The following RUNX1T1 variants were observed in gnomAD, a reference collection of about 807,000 sequenced individuals.
The protein encoded by RUNX1T1 is RUNX1 partner transcriptional co-repressor 1.
A neutral mutation model predicts 62.8 loss-of-function variants in RUNX1T1; 4 were observed. The observed-to-expected ratio is 0.06, with a 90% confidence interval of 0.03 to 0.15. The LOEUF is 0.15. Among genes scored for constraint, RUNX1T1 ranks in the 10% least tolerant of loss-of-function variants. The pLI is 1.00. For synonymous variants in RUNX1T1, 291 were observed against 286.0 expected (o/e 1.02, Z -0.18); for missense variants, 508 against 754.3 (o/e 0.67, Z 3.82).
chr8:92,056,790 A>G (rs1831115676), intron 1 of RUNX1T1, among the ~76,000 whole-genome samples: 1 of 152,178 alleles, frequency 6.6e-6, no homozygotes, highest in African/African-American at 2.4e-5. Context: ...ACAATTTTTA[A>G]CAATTTTGTC....
At chr8:91,988,279 T>C (rs73697002) in intron 6 of RUNX1T1, among the ~76,000 whole-genome samples, 3,923 of 152,194 alleles carry the variant, frequency 0.026, 163 homozygotes, top group African/African-American at 0.089. Flanking sequence ...AAATATAAGA[T>C]GCTTTGTACC....
At chr8:92,039,542 G>A (rs1828049153) in intron 1 of RUNX1T1, among the ~76,000 whole-genome samples, 2 of 152,088 alleles carry the variant, frequency 1.3e-5, no homozygotes, top group South Asian at 4.1e-4. Flanking sequence ...CAACTCAAAA[G>A]GTTTTAGCTA....
At chr8:92,041,009 T>C (rs770108845) in intron 1 of RUNX1T1, among the ~76,000 whole-genome samples, 2 of 152,188 alleles carry the variant, frequency 1.3e-5, no homozygotes, top group African/African-American at 2.4e-5. Flanking sequence ...GCACCCAGGC[T>C]ATTTCTAATT....
intron 9 of RUNX1T1, among the ~76,000 whole-genome samples, chr8:91,974,453 T>C (rs1370102401): frequency 2.0e-5 from 3 of 152,124 alleles, no homozygotes. Context: ...TTAACTTAAA[T>C]ATACTTAAAA....
chr8:91,986,712 C>T (rs1325144169), intron 7 of RUNX1T1, among the ~76,000 whole-genome samples, 175 bp downstream of exon 8: 1 of 152,112 alleles, frequency 6.6e-6, no homozygotes, highest in Non-Finnish European at 1.5e-5. Flanking sequence ...ACTTTCATAT[C>T]AATTTAGAAA....
At chr8:92,103,026 C>G (rs1324444770), upstream of RUNX1T1, 3 of 769,120 alleles carry the variant, frequency 3.9e-6, no homozygotes, top group African/African-American at 1.8e-5. Context: ...GCCACGAGAC[C>G]GCGGAGTCGC....
intron 5 of RUNX1T1, 191 bp downstream of exon 6, chr8:92,004,925 G>C (rs550622757): frequency 1.9e-6 from 1 of 532,992 alleles, no homozygotes; most frequent in African/African-American, 1.9e-5. Flanking sequence ...AAGCCAAACT[G>C]TCCCAGGCCA....
chr8:92,055,915 C>T (rs1223682274), intron 1 of RUNX1T1, among the ~76,000 whole-genome samples: 10 of 152,122 alleles, frequency 6.6e-5, no homozygotes, highest in Non-Finnish European at 4.4e-5. Flanking sequence ...ACTGTAACTG[C>T]TAAGTATATA....
chr8:91,975,778 T>C, intron 9 of RUNX1T1, 127 bp downstream of exon 10: 1 of 642,240 alleles, frequency 1.6e-6, no homozygotes, highest in South Asian at 2.0e-5. Flanking sequence ...GTTTTTTTTG[T>C]TTTGTTTTGT....
At chr8:91,956,727 C>G, downstream of RUNX1T1, 1 of 223,202 alleles carries the variant, frequency 4.5e-6, no homozygotes, top group Non-Finnish European at 9.0e-6. Flanking sequence ...ACTTGTGGTA[C>G]ATGTCTGAAT....
At chr8:92,048,755 A>G (rs1829795079) in intron 1 of RUNX1T1, among the ~76,000 whole-genome samples, 1 of 152,046 alleles carries the variant, frequency 6.6e-6, no homozygotes, top group Non-Finnish European at 1.5e-5. Flanking sequence ...AGCTCTTTCT[A>G]TTATTGGAAT....
intron 1 of RUNX1T1, among the ~76,000 whole-genome samples, chr8:92,027,064 C>T (rs1354949870): frequency 2.1e-5 from 3 of 145,360 alleles, no homozygotes; most frequent in African/African-American, 7.6e-5. Context: ...TGCAGTGAGT[C>T]GAGATCGCGC....
intron 1 of RUNX1T1, among the ~76,000 whole-genome samples, chr8:92,055,124 A>C (rs1489923419): frequency 6.6e-6 from 1 of 152,232 alleles, no homozygotes; most frequent in Non-Finnish European, 1.5e-5. Context: ...TTAAAGAGAT[A>C]ATCTTGCTCT....
At chr8:92,021,958 A>G (rs1298245588) in intron 1 of RUNX1T1, among the ~76,000 whole-genome samples, 3 of 150,378 alleles carry the variant, frequency 2.0e-5, no homozygotes, top group African/African-American at 7.4e-5. Flanking sequence ...TAGATCACAC[A>G]TCCTCTTTCA....
chr8:92,059,052 T>C (rs1831487204), intron 1 of RUNX1T1, among the ~76,000 whole-genome samples: 1 of 152,116 alleles, frequency 6.6e-6, no homozygotes, highest in African/African-American at 2.4e-5. Context: ...CAGAAAAGAA[T>C]GTAAAGAGAA....
At chr8:92,074,359 A>G (rs1022448019) in intron 2 of RUNX1T1, among the ~76,000 whole-genome samples, 1 of 152,208 alleles carries the variant, frequency 6.6e-6, no homozygotes. Context: ...ATTGTGATGG[A>G]ATGCGAGTGG....
chr8:91,989,324 C>T (rs1034749342), intron 6 of RUNX1T1, among the ~76,000 whole-genome samples: 10 of 152,172 alleles, frequency 6.6e-5, no homozygotes, highest in Non-Finnish European at 1.5e-4. Context: ...GTTGCTCATA[C>T]ATCAAGATTT....
At chr8:92,011,764 A>G (rs933896791) in intron 3 of RUNX1T1, among the ~76,000 whole-genome samples, 1 of 152,314 alleles carries the variant, frequency 6.6e-6, no homozygotes, top group African/African-American at 2.4e-5. Flanking sequence ...AAACAAGACT[A>G]AGCAAAATTA....
downstream of RUNX1T1, chr8:91,958,451 T>A (rs562454078): frequency 5.1e-6 from 1 of 195,822 alleles, no homozygotes; most frequent in Non-Finnish European, 1.1e-5. Context: ...GAATACTGTA[T>A]AACCTGGCAT....
Sources: allele counts gnomAD v4.1 joint callset (sites outside exome capture counted in the v4.1 genomes callset), GRCh38; gene constraint gnomAD v4.1.1; transcripts MANE v1.5; gene names NCBI Gene and HGNC (gene_info 2026-07-23, HGNC 2026-07-21).